Variants in MDGA2 observed in about 807,000 individuals in gnomAD.
MDGA2 encodes MAM domain containing glycosylphosphatidylinositol anchor 2, also known as MAM domain-containing glycosylphosphatidylinositol anchor protein 2.
A neutral mutation model predicts 117.8 loss-of-function variants in MDGA2; 40 were observed. The observed-to-expected ratio is 0.34, with a 90% CI of 0.26 to 0.44. MDGA2 has a LOEUF of 0.44. Among genes scored for constraint, MDGA2 ranks in the 20% least tolerant of loss-of-function variants. MDGA2 has a pLI of 1.00. For synonymous variants in MDGA2, 452 were observed against 439.0 expected (o/e 1.03, Z -0.37); for missense variants, 1,123 against 1,250.6 (o/e 0.90, Z 1.54).
intron 1 of MDGA2, among the ~76,000 whole-genome samples, chr14:47,578,665 C>T (rs1299624011): frequency 6.6e-6 from 1 of 152,110 alleles, no homozygotes; most frequent in Non-Finnish European, 1.5e-5. Context: ...CTTTTTAATT[C>T]ATCCACTACC....
At chr14:46,977,895 G>C (rs1190125402) in intron 8 of MDGA2, among the ~76,000 whole-genome samples, 1 of 151,748 alleles carries the variant, frequency 6.6e-6, no homozygotes, top group Admixed American at 6.6e-5. Context: ...CAAAAAAGTA[G>C]ATAATGTGTT....
intron 1 of MDGA2, among the ~76,000 whole-genome samples, chr14:47,352,429 T>C (rs1246742717): frequency 2.6e-5 from 4 of 152,316 alleles, no homozygotes; most frequent in East Asian, 1.9e-4. Context: ...GACTAAACCA[T>C]TGTATAAACT....
At chr14:47,323,137 A>C (rs1890030106) in intron 1 of MDGA2, among the ~76,000 whole-genome samples, 1 of 130,122 alleles carries the variant, frequency 7.7e-6, no homozygotes. Context: ...CCCCAGAGAA[A>C]AAAGAGTCAT....
intron 14 of MDGA2, among the ~76,000 whole-genome samples, chr14:46,869,064 C>T (rs2138349469): frequency 6.6e-6 from 1 of 151,966 alleles, no homozygotes; most frequent in South Asian, 2.1e-4. Flanking sequence ...AAAATAAGCC[C>T]TTCTACAATC....
chr14:47,300,338 G>T (rs144884500), intron 2 of MDGA2, among the ~76,000 whole-genome samples: 40 of 152,236 alleles, frequency 2.6e-4, no homozygotes, highest in African/African-American at 8.7e-4. Context: ...AGCTAGTAAG[G>T]TCATTGACAA....
chr14:47,403,281 AT>A (rs1272579502), intron 1 of MDGA2, among the ~76,000 whole-genome samples: 1 of 152,144 alleles, frequency 6.6e-6, no homozygotes, highest in African/African-American at 2.4e-5. Context: ...TCTTTGCTGC[AT>A]TTGACACTGT....
chr14:47,627,706 C>T (rs1194643212), intron 1 of MDGA2, among the ~76,000 whole-genome samples: 2 of 152,146 alleles, frequency 1.3e-5, no homozygotes, highest in Non-Finnish European at 2.9e-5. Flanking sequence ...GCAGTCTGCC[C>T]CAGCCAGCAG....
chr14:47,240,541 G>T (rs1425648232), intron 2 of MDGA2, among the ~76,000 whole-genome samples: 1 of 151,818 alleles, frequency 6.6e-6, no homozygotes, highest in African/African-American at 2.4e-5. Flanking sequence ...GCCTTTCTTT[G>T]TGGATACTCC....
intron 2 of MDGA2, among the ~76,000 whole-genome samples, chr14:47,224,022 C>T (rs990898364): frequency 4.6e-5 from 7 of 152,092 alleles, no homozygotes; most frequent in African/African-American, 1.7e-4. Flanking sequence ...ATCCCTTCTA[C>T]CACACACGGG....
At position 47,002,026 on chromosome 14, in the gene MDGA2, G is replaced by C. The variant is rs536876803; in HGVS notation, c.1819+32985C>G. 7.2e-5 allele frequency among the ~76,000 whole-genome samples: 11 copies of C among 152,258 alleles called. No homozygotes were observed. In the East Asian group the frequency reaches 2.1e-3, roughly 29 times the overall value. ...ATATTGTATCTGTTATCTCCAGGTT[G>C]TGGAGTGGGGGCAACTGAATTGAAG... is the stretch of plus-strand genomic sequence containing the variant. On this transcript the variant is annotated intron_variant, in intron 8 of 16. Coordinates refer to ENST00000399232, the MANE Select transcript of MDGA2 (RefSeq NM_001113498.3).
intron 10 of MDGA2, among the ~76,000 whole-genome samples, chr14:46,907,741 A>G (rs886520566): frequency 6.6e-6 from 1 of 152,084 alleles, no homozygotes; most frequent in African/African-American, 2.4e-5. Flanking sequence ...TACAAAAGCA[A>G]TGCTACTCTT....
In MDGA2 at chr14:47,112,652, T is replaced by G. The variant is rs141764900; in HGVS notation, c.926-15529A>C. Among the ~76,000 whole-genome samples, 691 of 152,276 alleles carry G rather than the reference T, an allele frequency of 4.5e-3. 5 individuals are homozygous for G. Among genetic ancestry groups the G allele is most frequent in the African/African-American group, 0.016 (669 of 41,554 alleles). On this transcript the variant is annotated intron_variant, in intron 5 of 16. Coordinates refer to ENST00000399232, the MANE Select transcript of MDGA2 (RefSeq NM_001113498.3). Reference sequence around the variant, plus strand: ...TATCCAGTCTATCACTGATGGGCATTTGGGTTGATTCCATGTCTTTGCTAT... The same window carrying G: ...TATCCAGTCTATCACTGATGGGCATGTGGGTTGATTCCATGTCTTTGCTAT...
chr14:47,617,434 C>T (rs978247737), intron 1 of MDGA2, among the ~76,000 whole-genome samples: 11 of 152,024 alleles, frequency 7.2e-5, no homozygotes, highest in African/African-American at 2.4e-4. Flanking sequence ...GAACTCCTGA[C>T]CCCAGGTGAT....
chr14:47,673,400 C>T (rs1245244164), intron 1 of MDGA2, among the ~76,000 whole-genome samples: 1 of 152,128 alleles, frequency 6.6e-6, no homozygotes, highest in Non-Finnish European at 1.5e-5. Flanking sequence ...AGTCCAAACC[C>T]CTGAGTGAAA....
chr14:47,135,077 T>C (rs558236824), intron 4 of MDGA2, among the ~76,000 whole-genome samples: 1 of 152,230 alleles, frequency 6.6e-6, no homozygotes, highest in South Asian at 2.1e-4. Flanking sequence ...AAATAGTACC[T>C]AGTAATTTCA....
At chr14:47,200,061 G>C (rs1205265600) in intron 3 of MDGA2, among the ~76,000 whole-genome samples, 1 of 151,854 alleles carries the variant, frequency 6.6e-6, no homozygotes, top group African/African-American at 2.4e-5. Context: ...GCTGTTAATA[G>C]AGAAAAAATG....
chr14:47,617,209 C>CTT (rs1249374796), intron 1 of MDGA2, among the ~76,000 whole-genome samples: 30 of 144,320 alleles, frequency 2.1e-4, no homozygotes, highest in African/African-American at 7.1e-4. Context: ...TTGTATTAGT[C>CTT]TTTTTTTTTT....
intron 3 of MDGA2, among the ~76,000 whole-genome samples, chr14:47,178,370 T>TC (rs1183951287): frequency 2.6e-5 from 4 of 152,278 alleles, no homozygotes; most frequent in South Asian, 2.1e-4. Context: ...CAGTGTTTTT[T>TC]CCCTATTCAT....
chr14:47,464,482 A>G (rs1023712408), intron 1 of MDGA2, among the ~76,000 whole-genome samples: 3 of 152,084 alleles, frequency 2.0e-5, no homozygotes, highest in Non-Finnish European at 4.4e-5. Flanking sequence ...AAAACATCAA[A>G]GTTTCAGAAT....
Sources: allele counts gnomAD v4.1 joint callset (sites outside exome capture counted in the v4.1 genomes callset), GRCh38; gene constraint gnomAD v4.1.1; transcripts MANE v1.5; gene names NCBI Gene and HGNC (gene_info 2026-07-23, HGNC 2026-07-21).